Variants in KCNK13 observed in about 807,000 individuals in gnomAD.
KCNK13 encodes potassium two pore domain channel subfamily K member 13.
KCNK13 carries 12 observed loss-of-function variants against 23.4 expected under a neutral mutation model. The ratio of observed to expected loss-of-function variants is 0.51; its 90% CI spans 0.33 to 0.83. The LOEUF (loss-of-function observed/expected upper bound fraction) is 0.83. Among genes scored for constraint, KCNK13 ranks in the 40% least tolerant of loss-of-function variants. The probability of loss-of-function intolerance (pLI) is 0.02; values close to 1 mark genes in which losing one functional copy is unlikely to be tolerated. For synonymous variants in KCNK13, 231 were observed against 229.5 expected (o/e 1.01, Z -0.06); for missense variants, 463 against 556.3 (o/e 0.83, Z 1.69).
intron 1 of KCNK13, among the ~76,000 whole-genome samples, chr14:90,111,929 A>C (rs1889619642): frequency 6.6e-6 from 1 of 152,100 alleles, no homozygotes; most frequent in African/African-American, 2.4e-5. Flanking sequence ...CCAGGCTCTT[A>C]AGAGAGAATC....
At chr14:90,112,913 ATT>A (rs200299000) in intron 1 of KCNK13, among the ~76,000 whole-genome samples, 59 of 138,996 alleles carry the variant, frequency 4.2e-4, no homozygotes, top group Admixed American at 5.1e-4. Flanking sequence ...TGTTGAAAAG[ATT>A]TTTTTTTTTT....
At chr14:90,112,007 C>T (rs762154629) in intron 1 of KCNK13, among the ~76,000 whole-genome samples, 7 of 152,212 alleles carry the variant, frequency 4.6e-5, no homozygotes, top group Admixed American at 2.0e-4. Flanking sequence ...TGGGGCTGGC[C>T]CCACCCTGAC....
chr14:90,102,273 T>C (rs1314536749), intron 1 of KCNK13, among the ~76,000 whole-genome samples: 1 of 152,216 alleles, frequency 6.6e-6, no homozygotes, highest in Non-Finnish European at 1.5e-5. Flanking sequence ...TAAGGCAGAA[T>C]GTACAGCTGT....
At chr14:90,154,707 C>T (rs942071803) in intron 1 of KCNK13, among the ~76,000 whole-genome samples, 5 of 152,204 alleles carry the variant, frequency 3.3e-5, no homozygotes, top group Admixed American at 2.0e-4. Context: ...TAAATGGTTA[C>T]TTGTAGGTTA....
Position 90,185,125 on chromosome 14 carries a change from G to T in KCNK13, c.*122G>T, listed in dbSNP as rs955849415. On this transcript the variant is annotated 3_prime_UTR_variant, in exon 2 of 2. Transcript: ENST00000282146. ...CTGGGAGCTGTTCCCGGGAGCCTCC[G>T]CAAGCATCTTTAGAAATCTGATCTC... 5 of 869,870 alleles carry T rather than the reference G, an allele frequency of 5.7e-6. No individual in the cohort carries two copies. Among genetic ancestry groups the T allele is most frequent in the South Asian group, 4.6e-5 (2 of 43,740 alleles). 53.9% of individuals were successfully genotyped at this position (869,870 alleles called of 1,614,324 possible). A position where few individuals can be genotyped will look rare whatever the true frequency, so the allele number is the denominator to read the frequency against.
Position 90,184,232 on chromosome 14 carries a change from C to G in KCNK13, c.456C>G (p.Ile152Met), listed in dbSNP as rs1018782528. The G allele has an allele frequency of 1.9e-6, 3 of 1,614,266 alleles. No homozygotes were observed. The highest frequency in any genetic ancestry group is 1.7e-5 in the Admixed American group (1 of 60,034). ...TCTTCCTGGAGCGCCTGATCACCATCATCGCCTACATCATGAAGTCGTGCC... is the reference window on the plus strand; with the variant it reads ...TCTTCCTGGAGCGCCTGATCACCATGATCGCCTACATCATGAAGTCGTGCC... ...FNLFLERLIT[I>M]IAYIMKSCHQ... The change falls in exon 2 of 2, where the codon ATC becomes ATG. Residue 152 changes from isoleucine to methionine, a missense_variant. This residue lies in a region of KCNK13 where 144 missense variants were observed against 224.0 expected (regional missense o/e 0.64). Transcript: ENST00000282146. This position sits in a 1 kb window ranked among gnomAD's most constrained non-coding sequence, Gnocchi z 5.6.
At chr14:90,069,014 A>C (rs73330226) in intron 1 of KCNK13, among the ~76,000 whole-genome samples, 2,629 of 150,892 alleles carry the variant, frequency 0.017, 78 homozygotes, top group African/African-American at 0.061. Flanking sequence ...CTAGATTCTC[A>C]ACAACAGTTT....
intron 1 of KCNK13, among the ~76,000 whole-genome samples, chr14:90,124,392 C>T (rs1889772317): frequency 6.6e-6 from 1 of 152,176 alleles, no homozygotes; most frequent in South Asian, 2.1e-4. Flanking sequence ...CACATGAGGT[C>T]TTAAAAGCAG....
chr14:90,141,559 GC>G (rs540137902), intron 1 of KCNK13, among the ~76,000 whole-genome samples: 5 of 152,020 alleles, frequency 3.3e-5, no homozygotes, highest in Non-Finnish European at 7.4e-5. Flanking sequence ...CAGGGTTCAA[GC>G]AATTCTCCTG....
chr14:90,068,056 C>T (rs1389399688), intron 1 of KCNK13, among the ~76,000 whole-genome samples: 3 of 152,150 alleles, frequency 2.0e-5, no homozygotes, highest in African/African-American at 7.2e-5. Flanking sequence ...TCTTCTGTCT[C>T]TTGGCTCCTC....
intron 1 of KCNK13, among the ~76,000 whole-genome samples, chr14:90,156,379 T>C (rs1442183018): frequency 6.6e-6 from 1 of 151,866 alleles, no homozygotes; most frequent in Admixed American, 6.6e-5. Context: ...CAAAGGAGAC[T>C]GAGAACGAGA....
intron 1 of KCNK13, among the ~76,000 whole-genome samples, chr14:90,111,445 G>A (rs1463300801): frequency 4.6e-5 from 7 of 152,156 alleles, no homozygotes; most frequent in African/African-American, 1.7e-4. Context: ...TTAGCTCAGG[G>A]AAAGAATGAG....
At position 90,121,181 on chromosome 14, in the gene KCNK13, G is replaced by C. The variant is rs138116871; in HGVS notation, c.334+58642G>C. Among the ~76,000 whole-genome samples, 381 of 152,356 alleles carry C rather than the reference G, an allele frequency of 2.5e-3. 4 individuals carry two copies. The highest frequency in any genetic ancestry group is 8.5e-3 in the African/African-American group (355 of 41,576). On this transcript the variant is annotated intron_variant, in intron 1 of 1. Transcript: ENST00000282146. ...AGGTAGGAACTGCTATGGAGAGCAT[G>C]CTGCAAAGAATAAGAATAATATTTG...
intron 1 of KCNK13, among the ~76,000 whole-genome samples, chr14:90,076,212 C>T (rs1056595730): frequency 2.0e-5 from 3 of 152,198 alleles, no homozygotes. Context: ...TAGTAGGAAA[C>T]TCCAATACCA....
At chr14:90,076,189 A>G (rs1889132326) in intron 1 of KCNK13, among the ~76,000 whole-genome samples, 1 of 152,240 alleles carries the variant, frequency 6.6e-6, no homozygotes, top group African/African-American at 2.4e-5. Flanking sequence ...TGCAGGTTGC[A>G]TTGGGCTGCA....
intron 1 of KCNK13, among the ~76,000 whole-genome samples, chr14:90,147,795 T>C (rs1890089598): frequency 6.6e-6 from 1 of 152,208 alleles, no homozygotes; most frequent in Non-Finnish European, 1.5e-5. Context: ...TTTAAAAATA[T>C]TGAATGTTCC....
intron 1 of KCNK13, among the ~76,000 whole-genome samples, chr14:90,135,552 A>G (rs1448533544): frequency 6.6e-6 from 1 of 152,176 alleles, no homozygotes; most frequent in Non-Finnish European, 1.5e-5. Context: ...TCCTCGCCAT[A>G]TGGCAGATGA....
At chr14:90,107,537 C>A in intron 1 of KCNK13, 1 of 389,530 alleles carries the variant, frequency 2.6e-6, no homozygotes, top group Non-Finnish European at 4.7e-6. Context: ...AGTTGCCTGC[C>A]TGGAAATTTC....
At chr14:90,159,880 G>T (rs1190070267) in intron 1 of KCNK13, among the ~76,000 whole-genome samples, 2 of 151,988 alleles carry the variant, frequency 1.3e-5, no homozygotes, top group African/African-American at 4.8e-5. Context: ...TAGTGACAGG[G>T]CTGAGATCTG....
Sources: allele counts gnomAD v4.1 joint callset (sites outside exome capture counted in the v4.1 genomes callset), GRCh38; gene constraint gnomAD v4.1.1; regional missense constraint gnomAD v4.1.1; non-coding constraint Gnocchi (gnomAD v3.1); transcripts MANE v1.5; gene names NCBI Gene and HGNC (gene_info 2026-07-23, HGNC 2026-07-21).